Variants in CCDC88C observed in about 807,000 individuals in gnomAD.
CCDC88C encodes the protein coiled-coil and HOOK domain protein 88C, also known as protein Daple.
Under a neutral mutation model 198.8 loss-of-function variants are expected in CCDC88C, and 131 were observed. The observed-to-expected ratio is 0.66, with a 90% CI of 0.57 to 0.76. The LOEUF is 0.76. Ranked by LOEUF, CCDC88C falls within the 30% of genes least tolerant of loss-of-function variation. CCDC88C has a pLI of 0.00. For missense variants in CCDC88C, 2,553 were observed against 2,631.6 expected (o/e 0.97, Z 0.65); for synonymous variants, 1,166 against 1,114.7 (o/e 1.05, Z -0.92).
rs550665145 is a variant in CCDC88C, at chr14:91,397,870, T to A, written c.270+10789A>T. Among the ~76,000 whole-genome samples the A allele has an allele frequency of 1.8e-4, 28 of 152,308 alleles. 1 individual carries two copies. The highest frequency in any genetic ancestry group is 6.3e-4 in the African/African-American group (26 of 41,566). ...GGACAGCACGTCCACCTGCAGCAAG[T>A]TACCTCCCTACATGATTCTAGAAAG... On this transcript the variant is annotated intron_variant, in intron 3 of 29. Transcript: ENST00000389857.
At chr14:91,401,272 A>G (rs1031203712) in intron 3 of CCDC88C, among the ~76,000 whole-genome samples, 1 of 144,580 alleles carries the variant, frequency 6.9e-6, no homozygotes, top group African/African-American at 2.5e-5. Context: ...TACATTATAT[A>G]TATTATATAT....
intron 29 of CCDC88C, among the ~76,000 whole-genome samples, chr14:91,276,744 C>T (rs1349085705): frequency 1.3e-5 from 2 of 152,192 alleles, no homozygotes; most frequent in Non-Finnish European, 2.9e-5. Context: ...GGCTCAATTG[C>T]AGACAGTGAA....
intron 4 of CCDC88C, among the ~76,000 whole-genome samples, chr14:91,347,551 G>A (rs1470364882): frequency 1.3e-5 from 2 of 152,070 alleles, no homozygotes; most frequent in Admixed American, 6.6e-5. Flanking sequence ...CTCAAAAGAA[G>A]ACATTTATGC....
Position 91,272,328 on chromosome 14 carries a change from GGAA to G in CCDC88C, c.*294_*296del. On this transcript the variant is annotated 3_prime_UTR_variant, in exon 30 of 30. Transcript: ENST00000389857. ...ATACTGGAGTAGTGTCTGCTTTGGGGGAAGTCAGTTTGTCATTGCATCCTAATT... is the reference window on the plus strand; with the variant it reads ...ATACTGGAGTAGTGTCTGCTTTGGGGGTCAGTTTGTCATTGCATCCTAATT... The G allele has an allele frequency of 1.7e-4, 73 of 422,968 alleles. No individual in the cohort carries two copies. Among genetic ancestry groups the G allele is most frequent in the South Asian group, 3.3e-4 (12 of 36,376 alleles). The allele number at this position is 422,968 out of a possible 1,614,324, so 26.2% of individuals were successfully genotyped here. A position where few individuals can be genotyped will look rare whatever the true frequency, so the allele number is the denominator to read the frequency against.
chr14:91,287,411 T>C (rs1379562573), intron 25 of CCDC88C, among the ~76,000 whole-genome samples: 2 of 152,174 alleles, frequency 1.3e-5, no homozygotes, highest in Non-Finnish European at 2.9e-5. Flanking sequence ...AGTACAGTGG[T>C]ATGACCATAG....
At position 91,381,702 on chromosome 14, in the gene CCDC88C, C is replaced by T. The variant is rs578198789; in HGVS notation, c.271-21991G>A. Among the ~76,000 whole-genome samples, 69 of 152,228 alleles carry T rather than the reference C, an allele frequency of 4.5e-4. No individual in the cohort carries two copies. The highest frequency in any genetic ancestry group is 1.4e-3 in the African/African-American group (60 of 41,522). On this transcript the variant is annotated intron_variant, in intron 3 of 29. Coordinates refer to ENST00000389857, the MANE Select transcript of CCDC88C (RefSeq NM_001080414.4). The surrounding 1 kb of genome is among the most constrained non-coding windows in gnomAD (Gnocchi z 4.2). ...ACAAACAATTATCTGGGCATGGTGG[C>T]GCGTGCATGTAATTCCAGGTACTTG...
chr14:91,345,328 G>T (rs1332907533), intron 4 of CCDC88C, among the ~76,000 whole-genome samples: 2 of 151,238 alleles, frequency 1.3e-5, no homozygotes, highest in South Asian at 2.1e-4. Context: ...AAGGAGCTGG[G>T]ATTACAGGCG....
chr14:91,324,603 G>C lies in CCDC88C; in HGVS notation c.1342+176C>G, dbSNP rs565207131. 2.0e-4 allele frequency among the ~76,000 whole-genome samples: 31 copies of C among 152,354 alleles called. No homozygotes were observed. The South Asian group carries it at 5.6e-3, about 27-fold the overall frequency. On this transcript the variant is annotated intron_variant, in intron 12 of 29. Transcript: ENST00000389857. ...TGACATCAAGGCTGCCAGACCCCTC[G>C]TGTCTTCCCTGGGGAGAACTGTAAT...
chr14:91,312,881 G>T (rs1891898988), intron 15 of CCDC88C, among the ~76,000 whole-genome samples, 199 bp downstream of exon 15: 1 of 152,218 alleles, frequency 6.6e-6, no homozygotes, highest in Non-Finnish European at 1.5e-5. Flanking sequence ...CTCAAACTAT[G>T]AGAAGCGTTA....
In CCDC88C at chr14:91,294,709, G is replaced by A. The variant is rs541882748; in HGVS notation, c.3967-391C>T. On this transcript the variant is annotated intron_variant, in intron 22 of 29. Coordinates refer to ENST00000389857, the MANE Select transcript of CCDC88C (RefSeq NM_001080414.4). ...TGCTCTTGTTGCCCAGGCTGGAGTG[G>A]AGTGGCATGACCTCGGCTCACTGCA... Among the ~76,000 whole-genome samples the A allele has an allele frequency of 2.0e-5, 3 of 152,306 alleles. No homozygotes were observed. The East Asian group carries it at 5.8e-4, about 29-fold the overall frequency.
At chr14:91,355,749 TTAAG>T (rs35110523) in intron 4 of CCDC88C, among the ~76,000 whole-genome samples, 45,742 of 151,630 alleles carry the variant, frequency 0.3, 7,208 homozygotes, top group Non-Finnish European at 0.36. Context: ...GTGTGGGGGG[TTAAG>T]TGAGACATAC....
intron 22 of CCDC88C, among the ~76,000 whole-genome samples, chr14:91,295,432 A>G (rs896872276): frequency 4.6e-5 from 7 of 152,262 alleles, no homozygotes; most frequent in Non-Finnish European, 5.9e-5. Context: ...AAACGTGGCA[A>G]GTCAGCGGTC....
chr14:91,300,158 C>A (rs896649346), intron 20 of CCDC88C, 88 bp from the exon 21 acceptor site: 30 of 1,514,926 alleles, frequency 2.0e-5, no homozygotes, highest in Non-Finnish European at 2.7e-5. Flanking sequence ...GCGTGCCTCC[C>A]GTGAGAAAAT....
chr14:91,300,300 C>T (rs756770971), intron 20 of CCDC88C, among the ~76,000 whole-genome samples: 26 of 152,316 alleles, frequency 1.7e-4, no homozygotes, highest in African/African-American at 3.4e-4. Context: ...TCCTCCAGCC[C>T]GTTCTGTCTC....
chr14:91,343,204 C>A (rs1404493495), intron 5 of CCDC88C, among the ~76,000 whole-genome samples: 3 of 152,334 alleles, frequency 2.0e-5, no homozygotes, highest in East Asian at 1.9e-4. Context: ...GATCCTCCCC[C>A]ACCTCAGCCT....
At chr14:91,415,050 C>G (rs1886975408) in intron 2 of CCDC88C, among the ~76,000 whole-genome samples, 1 of 152,114 alleles carries the variant, frequency 6.6e-6, no homozygotes, top group Admixed American at 6.5e-5. Flanking sequence ...CCCCCTCTGC[C>G]TGGGTGTAGG....
intron 24 of CCDC88C, 45 bp from the exon 25 acceptor site, chr14:91,289,388 A>C: frequency 6.6e-7 from 1 of 1,514,948 alleles, no homozygotes; most frequent in Non-Finnish European, 9.2e-7. Flanking sequence ...CCTCCCACAC[A>C]CCCCCAGTGG....
At chr14:91,297,519 G>C (rs1891062876) in intron 21 of CCDC88C, 28 bp from the exon 22 acceptor site, 2 of 1,548,674 alleles carry the variant, frequency 1.3e-6, no homozygotes, top group East Asian at 4.9e-5. Context: ...ACAGGGCAAA[G>C]GAGCTGAAGA....
At position 91,272,595 on chromosome 14, in the gene CCDC88C, T is replaced by C; in HGVS notation, c.*30A>G. 6.3e-7 allele frequency: 1 copy of C among 1,582,144 alleles called. No homozygotes were observed. ...AGAGTCGGAAGGCGCGTCAGTAGTT[T>C]TCAGGTTTGCGAGCTCAACCACGAG... On this transcript the variant is annotated 3_prime_UTR_variant, in exon 30 of 30. Coordinates refer to ENST00000389857, the MANE Select transcript of CCDC88C (RefSeq NM_001080414.4).
Sources: gnomAD v4.1 joint callset for allele counts (sites outside exome capture counted in the v4.1 genomes callset) on GRCh38, gnomAD v4.1.1 for gene constraint, Gnocchi (gnomAD v3.1) non-coding constraint, MANE v1.5 for transcripts, NCBI Gene and HGNC (gene_info 2026-07-23, HGNC 2026-07-21) for gene names.